The following CLASP2 variants were observed in gnomAD, a reference collection of about 807,000 sequenced individuals.
CLASP2 encodes cytoplasmic linker associated protein 2.
CLASP2 carries 47 observed loss-of-function variants against 194.4 expected under a neutral mutation model. The observed-to-expected ratio is 0.24, with a 90% CI of 0.19 to 0.31. CLASP2 has a LOEUF of 0.31. Among genes scored for constraint, CLASP2 ranks in the 10% least tolerant of loss-of-function variants. CLASP2 has a pLI of 1.00. For missense variants in CLASP2, 1,445 were observed against 1,823.6 expected, an observed-to-expected ratio of 0.79 and a Z score of 3.78; for synonymous variants, 619 against 633.5, an observed-to-expected ratio of 0.98 and a Z score of 0.34.
intron 7 of CLASP2, among the ~76,000 whole-genome samples, chr3:33,662,454 TC>T (rs2085454439): frequency 6.6e-6 from 1 of 152,206 alleles, no homozygotes; most frequent in African/African-American, 2.4e-5. Flanking sequence ...GAAGTGAGAA[TC>T]TTCTGGCATT....
chr3:33,634,851 T>A (rs2079816007), intron 8 of CLASP2, among the ~76,000 whole-genome samples: 1 of 152,096 alleles, frequency 6.6e-6, no homozygotes, highest in Non-Finnish European at 1.5e-5. Context: ...TAGCTGGAAA[T>A]AAAATCAATA....
intron 10 of CLASP2, among the ~76,000 whole-genome samples, chr3:33,623,394 A>G (rs2077438945): frequency 1.3e-5 from 2 of 151,974 alleles, no homozygotes; most frequent in South Asian, 4.1e-4. Flanking sequence ...GTACCCTTCA[A>G]CCATCTCCTC....
intron 12 of CLASP2, among the ~76,000 whole-genome samples, chr3:33,612,962 G>A (rs553264474): frequency 1.3e-5 from 2 of 152,226 alleles, no homozygotes; most frequent in South Asian, 2.1e-4. Context: ...TCTAGTGTTC[G>A]ATAGTTCAGT....
At chr3:33,551,221 T>C in intron 30 of CLASP2, 31 bp downstream of exon 30, 1 of 1,572,560 alleles carries the variant, frequency 6.4e-7, no homozygotes, top group South Asian at 1.2e-5. Context: ...GCTTTCCCAA[T>C]TTATCTTCTA....
At chr3:33,590,140 A>G (rs2068391163) in intron 21 of CLASP2, among the ~76,000 whole-genome samples, 1 of 152,170 alleles carries the variant, frequency 6.6e-6, no homozygotes, top group Admixed American at 6.5e-5. Flanking sequence ...GCCAACATAT[A>G]TAGTGCTTAT....
intron 11 of CLASP2, 132 bp downstream of exon 11, chr3:33,622,003 T>C (rs1217667705): frequency 1.6e-6 from 1 of 607,870 alleles, no homozygotes; most frequent in East Asian, 3.3e-5. Context: ...TGAATCCTTA[T>C]GTATAATAAA....
In CLASP2 at chr3:33,689,861, A is replaced by G. The variant is rs570804009; in HGVS notation, c.346T>C (p.Leu116=). Residue 116 remains leucine (L), a synonymous_variant, in exon 3 of 39, where the codon TTG becomes CTG. Coordinates refer to ENST00000682230, the MANE Select transcript of CLASP2 (RefSeq NM_001365631.1). ...KVRDEAQTLI[L]KLMDQVAPPM... ...GGTGCTACTTGATCCATTAACTTCA[A>G]TATCAGAGTCTGAGCTTCATCTCGA... 6.3e-7 allele frequency: 1 copy of G among 1,597,292 alleles called. No individual in the cohort carries two copies. Among genetic ancestry groups the G allele is most frequent in the South Asian group, 1.1e-5 (1 of 87,366 alleles).
chr3:33,678,139 A>C (rs1429617007), intron 6 of CLASP2, among the ~76,000 whole-genome samples: 2 of 152,108 alleles, frequency 1.3e-5, no homozygotes, highest in African/African-American at 4.8e-5. Context: ...TAAAAGATGG[A>C]ACATACATGT....
chr3:33,684,956 C>T (rs1326562139), intron 5 of CLASP2, among the ~76,000 whole-genome samples: 1 of 151,226 alleles, frequency 6.6e-6, no homozygotes, highest in Non-Finnish European at 1.5e-5. Context: ...GAGCCAAGAT[C>T]GTGCCACTGC....
At chr3:33,536,673 G>A (rs2057400359) in intron 33 of CLASP2, among the ~76,000 whole-genome samples, 1 of 152,176 alleles carries the variant, frequency 6.6e-6, no homozygotes, top group Admixed American at 6.5e-5. Context: ...TGGACTATAG[G>A]AGGTCAAGGG....
At chr3:33,687,496 C>G (rs1012232928) in intron 4 of CLASP2, among the ~76,000 whole-genome samples, 15 of 151,992 alleles carry the variant, frequency 9.9e-5, no homozygotes, top group African/African-American at 3.6e-4. Flanking sequence ...ACTCTGGTCT[C>G]AAATAAATGC....
chr3:33,612,293 T>C (rs1248143014), intron 12 of CLASP2, among the ~76,000 whole-genome samples: 1 of 152,160 alleles, frequency 6.6e-6, no homozygotes, highest in Non-Finnish European at 1.5e-5. Context: ...TAATATGATC[T>C]AACAAAGAAA....
At chr3:33,586,906 G>A (rs1272771848) in intron 21 of CLASP2, among the ~76,000 whole-genome samples, 1 of 152,082 alleles carries the variant, frequency 6.6e-6, no homozygotes, top group Non-Finnish European at 1.5e-5. Context: ...GTAGTAAGAT[G>A]ACTGATCAAG....
In CLASP2 at chr3:33,687,386, A is replaced by G. The variant is rs573675653; in HGVS notation, c.471-251T>C. On this transcript the variant is annotated intron_variant, in intron 4 of 38. Coordinates refer to ENST00000682230, the MANE Select transcript of CLASP2 (RefSeq NM_001365631.1). ...TGACAGTGAAGACAACACATACTCT[A>G]ATAGATTAAAATGTTCAACAATGGC... Among the ~76,000 whole-genome samples the G allele has an allele frequency of 9.8e-5, 15 of 152,342 alleles. No homozygotes were observed. In the South Asian group the frequency reaches 2.1e-3, roughly 21 times the overall value.
At chr3:33,559,211 C>T (rs1305244840) in intron 29 of CLASP2, 96 bp downstream of exon 29, 1 of 853,130 alleles carries the variant, frequency 1.2e-6, no homozygotes, top group African/African-American at 1.7e-5. Flanking sequence ...ACTGATTGAA[C>T]AGCTTCTCAT....
intron 7 of CLASP2, chr3:33,645,354 TC>T (rs982343370): frequency 6.5e-6 from 5 of 764,272 alleles, no homozygotes; most frequent in Non-Finnish European, 1.2e-5. Context: ...CCTAGGAGGC[TC>T]CCAATAGTTC....
chr3:33,702,082 G>C (rs923164804), intron 1 of CLASP2, among the ~76,000 whole-genome samples: 8 of 152,108 alleles, frequency 5.3e-5, no homozygotes, highest in Non-Finnish European at 1.2e-4. Context: ...GAAAATATTT[G>C]CAAAATACTT....
intron 20 of CLASP2, 149 bp downstream of exon 20, chr3:33,594,802 C>T (rs1157662094): frequency 4.8e-6 from 2 of 414,790 alleles, no homozygotes; most frequent in Admixed American, 9.1e-5. Flanking sequence ...ACTAAGACAA[C>T]CAAATATGAA....
intron 27 of CLASP2, among the ~76,000 whole-genome samples, chr3:33,561,851 T>C (rs751806399): frequency 7.9e-5 from 12 of 152,128 alleles, no homozygotes; most frequent in Non-Finnish European, 1.3e-4. Context: ...CTGTCAGCCA[T>C]AATGTATTAC....
Sources: gnomAD v4.1 joint callset for allele counts (sites outside exome capture counted in the v4.1 genomes callset) on GRCh38, gnomAD v4.1.1 for gene constraint, MANE v1.5 for transcripts, NCBI Gene and HGNC (gene_info 2026-07-23, HGNC 2026-07-21) for gene names.